PRKX: variants seen among roughly 807,000 people sequenced by gnomAD.
PRKX encodes the protein protein kinase cAMP-dependent X-linked catalytic subunit, also known as cAMP-dependent protein kinase catalytic subunit PRKX.
A neutral mutation model predicts 22.0 loss-of-function variants in PRKX; 12 were observed. The ratio of observed to expected loss-of-function variants is 0.54; its 90% CI spans 0.35 to 0.88. The LOEUF (loss-of-function observed/expected upper bound fraction) is 0.88, where lower values mean the gene tolerates loss of function less well. Among genes scored for constraint, PRKX ranks in the 40% least tolerant of loss-of-function variants. The probability of loss-of-function intolerance (pLI) is 0.01; values close to 1 mark genes in which losing one functional copy is unlikely to be tolerated. For synonymous variants in PRKX, 134 were observed against 137.7 expected (o/e 0.97, Z 0.19); for missense variants, 217 against 308.0 (o/e 0.70, Z 2.21).
rs1603474257 is a variant in PRKX, at chrX:3,662,689, C to T, written c.336-7277G>A. 7.0e-5 allele frequency among the ~76,000 whole-genome samples: 3 copies of T among 42,658 alleles called. No homozygotes were observed. The South Asian group carries it at 5.1e-3, about 72-fold the overall frequency. 37.0% of individuals were successfully genotyped at this position (42,658 alleles called of 115,157 possible). A position where few individuals can be genotyped will look rare whatever the true frequency, so the allele number is the denominator to read the frequency against. ...CAGCCTGGGGGACAGAGTGAGACTC[C>T]ATCTCAAAAAAAAAAAAAAAAAAAA... is the stretch of plus-strand genomic sequence containing the variant. On this transcript the variant is annotated intron_variant, in intron 2 of 8. Coordinates refer to ENST00000262848, the MANE Select transcript of PRKX (RefSeq NM_005044.5).
chrX:3,613,371 AAAC>A (rs1362190526), intron 7 of PRKX, among the ~76,000 whole-genome samples: 1 of 109,977 alleles, frequency 9.1e-6, no homozygotes, highest in Non-Finnish European at 1.9e-5. Flanking sequence ...ATACACAGAA[AAAC>A]AATAAAAGGT....
At chrX:3,609,743 A>G (rs1310828113) in intron 8 of PRKX, among the ~76,000 whole-genome samples, 1 of 112,043 alleles carries the variant, frequency 8.9e-6, no homozygotes, top group Non-Finnish European at 1.9e-5. Context: ...GGTAGGAGCC[A>G]CCACATCCAG....
chrX:3,708,279 T>C (rs67605955), intron 1 of PRKX, among the ~76,000 whole-genome samples: 7,197 of 111,108 alleles, frequency 0.065, 501 homozygotes, highest in African/African-American at 0.21. Flanking sequence ...TGCCTTCATC[T>C]TGGACCTCCA....
In PRKX at chrX:3,631,061, G is replaced by A. The variant is rs747250594; in HGVS notation, c.720-4547C>T. Among the ~76,000 whole-genome samples, 7 of 112,029 alleles carry A rather than the reference G, an allele frequency of 6.2e-5. No homozygotes were observed. The South Asian group carries it at 1.9e-3, about 30-fold the overall frequency. On this transcript the variant is annotated intron_variant, in intron 4 of 8. Coordinates refer to ENST00000262848, the MANE Select transcript of PRKX (RefSeq NM_005044.5). ...ATTCTAATTCAGGTATGCTAGCAAC[G>A]GAAATACCTTATAAAACGGAGCTTT... is the stretch of plus-strand genomic sequence containing the variant.
intron 1 of PRKX, among the ~76,000 whole-genome samples, chrX:3,707,188 G>A (rs1273041396): frequency 1.8e-5 from 2 of 111,686 alleles, no homozygotes; most frequent in Non-Finnish European, 3.8e-5. Context: ...TCTGCCCATA[G>A]AGAAACTAAT....
intron 1 of PRKX, among the ~76,000 whole-genome samples, chrX:3,686,516 G>A (rs1243636222): frequency 9.3e-6 from 1 of 107,550 alleles, no homozygotes; most frequent in Non-Finnish European, 1.9e-5. Flanking sequence ...AATTGCAAGC[G>A]TGAGCCACTA....
intron 3 of PRKX, among the ~76,000 whole-genome samples, chrX:3,642,236 C>T (rs1204486715): frequency 9.1e-6 from 1 of 109,679 alleles, no homozygotes; most frequent in East Asian, 2.8e-4. Flanking sequence ...CACTGTTACT[C>T]AGAAGCAAAA....
At chrX:3,613,633 T>G (rs1926351784) in intron 7 of PRKX, among the ~76,000 whole-genome samples, 1 of 108,270 alleles carries the variant, frequency 9.2e-6, no homozygotes, top group Non-Finnish European at 1.9e-5. Flanking sequence ...TCATTTGAGG[T>G]CATGAGTTCG....
chrX:3,685,161 G>A (rs1420827106), intron 1 of PRKX, among the ~76,000 whole-genome samples: 3 of 106,749 alleles, frequency 2.8e-5, no homozygotes, highest in East Asian at 6.0e-4. Flanking sequence ...GGTCCTTCCT[G>A]AGGATAAACC....
intron 4 of PRKX, among the ~76,000 whole-genome samples, chrX:3,639,521 T>TCGGG (rs1927016276): frequency 2.0e-4 from 1 of 5,086 alleles, no homozygotes; most frequent in Non-Finnish European, 3.6e-4. Context: ...AAGGAGTGGG[T>TCGGG]GGGTGGATGG....
At chrX:3,679,965 T>C (rs1451020170) in intron 1 of PRKX, among the ~76,000 whole-genome samples, 1 of 111,130 alleles carries the variant, frequency 9.0e-6, no homozygotes, top group Non-Finnish European at 1.9e-5. Flanking sequence ...TAATGCGGGG[T>C]GGACTCAGGT....
chrX:3,670,127 CA>C (rs1786688511), intron 2 of PRKX: 2 of 123,747 alleles, frequency 1.6e-5, no homozygotes, highest in Admixed American at 1.9e-4. Flanking sequence ...TCAAGAAGTC[CA>C]AGGCCTAAAA....
chrX:3,634,093 T>C lies in PRKX; in HGVS notation c.720-7579A>G, dbSNP rs113783790. ...GGCGAAACCCCATCTCTACTAAAAA[T>C]ACAAAAATTAGCCAGGCACGGTGGC... On this transcript the variant is annotated intron_variant, in intron 4 of 8. Coordinates refer to ENST00000262848, the MANE Select transcript of PRKX (RefSeq NM_005044.5). Among the ~76,000 whole-genome samples the C allele has an allele frequency of 4.9e-3, 529 of 108,551 alleles. 5 individuals are homozygous for C. The highest frequency in any genetic ancestry group is 0.016 in the African/African-American group (478 of 29,794). 94.3% of individuals were successfully genotyped at this position (108,551 alleles called of 115,157 possible).
chrX:3,680,898 T>C lies in PRKX; in HGVS notation c.167-6132A>G, dbSNP rs370499970. On this transcript the variant is annotated intron_variant, in intron 1 of 8. Coordinates refer to ENST00000262848, the MANE Select transcript of PRKX (RefSeq NM_005044.5). ...CGAGAGCCCCTTGTCTACAAAAACA[T>C]AGAGATCTCATCCCTATTAAAAGAA... is the stretch of plus-strand genomic sequence containing the variant. Among the ~76,000 whole-genome samples, 7 of 110,323 alleles carry C rather than the reference T, an allele frequency of 6.3e-5. No individual in the cohort carries two copies. In the East Asian group the frequency reaches 8.6e-4, roughly 14 times the overall value.
intron 4 of PRKX, among the ~76,000 whole-genome samples, chrX:3,637,763 C>CTTTTTTTTTTTT (rs68007143): frequency 2.0e-5 from 2 of 98,206 alleles, no homozygotes; most frequent in Admixed American, 2.3e-4. Flanking sequence ...CATTTTCTTT[C>CTTTTTTTTTTTT]TTTTTTTTTT....
At chrX:3,616,507 G>A (rs1926424064) in intron 6 of PRKX, among the ~76,000 whole-genome samples, 3 of 111,624 alleles carry the variant, frequency 2.7e-5, no homozygotes, top group Non-Finnish European at 3.8e-5. Flanking sequence ...GTGCTCATCC[G>A]TAAACCTCAC....
chrX:3,676,218 C>G (rs758493465), intron 1 of PRKX, among the ~76,000 whole-genome samples: 2 of 112,060 alleles, frequency 1.8e-5, no homozygotes, highest in Admixed American at 1.9e-4. Flanking sequence ...TGTGATCACA[C>G]CCACCCCAAA....
At chrX:3,689,696 G>C (rs944097305) in intron 1 of PRKX, among the ~76,000 whole-genome samples, 1 of 111,078 alleles carries the variant, frequency 9.0e-6, no homozygotes, top group Admixed American at 9.6e-5. Flanking sequence ...TGAATGAATG[G>C]GCTGGGCGCG....
intron 1 of PRKX, among the ~76,000 whole-genome samples, chrX:3,706,817 ACCCTCTTT>A (rs1212181187): frequency 1.8e-5 from 2 of 111,453 alleles, no homozygotes; most frequent in Non-Finnish European, 1.9e-5. Context: ...CTTCTCTCAG[ACCCTCTTT>A]CCCATTAAGA....
Sources: gnomAD v4.1 joint callset for allele counts (sites outside exome capture counted in the v4.1 genomes callset) on GRCh38, gnomAD v4.1.1 for gene constraint, MANE v1.5 for transcripts, NCBI Gene and HGNC (gene_info 2026-07-23, HGNC 2026-07-21) for gene names.